The following CCDC33 variants were observed in gnomAD, a reference collection of about 807,000 sequenced individuals.
CCDC33 encodes the protein coiled-coil domain containing 33.
CCDC33 carries 94 observed loss-of-function variants against 91.9 expected under a neutral mutation model. The observed-to-expected ratio is 1.02, with a 90% CI of 0.87 to 1.21. The LOEUF is 1.21. Among genes scored for constraint, CCDC33 ranks in the 50% most tolerant of loss-of-function variants. The pLI is 0.00. For missense variants in CCDC33, 940 were observed against 935.5 expected (o/e 1.00, Z -0.06); for synonymous variants, 396 against 374.5 (o/e 1.06, Z -0.66).
chr15:74,332,552 G>A, intron 15 of CCDC33, 127 bp from the exon 16 acceptor site: 1 of 929,414 alleles, frequency 1.1e-6, no homozygotes, highest in Non-Finnish European at 1.7e-6. Context: ...TGGTGGTAGG[G>A]AGCCATTGAA....
In CCDC33 at chr15:74,279,959, C is replaced by T. The variant is rs777594904; in HGVS notation, c.760-4C>T. On this transcript the variant is annotated splice_region_variant and splice_polypyrimidine_tract_variant and intron_variant, in intron 7 of 18. Transcript: ENST00000398814. ...CACCACCTGCTCCTACCCTCTCCCT[C>T]CAGCTGTCCAAGCCTGGGGGACCCC... The T allele has an allele frequency of 1.7e-5, 27 of 1,613,644 alleles. No individual in the cohort carries two copies. In the African/African-American group the frequency reaches 3.5e-4, roughly 21 times the overall value.
intron 1 of CCDC33, among the ~76,000 whole-genome samples, chr15:74,242,965 C>T (rs929984529): frequency 2.6e-5 from 4 of 152,180 alleles, no homozygotes; most frequent in Non-Finnish European, 4.4e-5. Context: ...CTTCTCCCAA[C>T]CCTTTAAGGC....
intron 7 of CCDC33, among the ~76,000 whole-genome samples, chr15:74,275,034 G>A (rs1481198766): frequency 6.6e-6 from 1 of 152,244 alleles, no homozygotes; most frequent in Non-Finnish European, 1.5e-5. Context: ...AGTCAGCAGC[G>A]TGAGCTCAGT....
downstream of CCDC33, chr15:74,336,152 C>T (rs1391455687): frequency 6.6e-7 from 1 of 1,525,736 alleles, no homozygotes; most frequent in African/African-American, 1.4e-5. Context: ...GCATTTTCCT[C>T]TTTCCTGGAG....
At chr15:74,257,112 G>A (rs574771651) in intron 2 of CCDC33, among the ~76,000 whole-genome samples, 1 of 152,360 alleles carries the variant, frequency 6.6e-6, no homozygotes, top group Non-Finnish European at 1.5e-5. Context: ...TCCAGAGTCA[G>A]TTATTCTGTA....
chr15:74,226,686 G>A (rs1026396818), intron 2 of CCDC33, among the ~76,000 whole-genome samples: 97 of 152,196 alleles, frequency 6.4e-4, no homozygotes, highest in African/African-American at 2.0e-3. Flanking sequence ...AAATTAGCCC[G>A]TCGTGGTGGC....
intron 5 of CCDC33, among the ~76,000 whole-genome samples, chr15:74,271,189 A>G (rs1379353768): frequency 6.6e-6 from 1 of 152,104 alleles, no homozygotes; most frequent in East Asian, 1.9e-4. Context: ...GAAGTTCAGC[A>G]TGGTCGGAGA....
chr15:74,272,891 G>A lies in CCDC33; in HGVS notation c.759G>A (p.Gln253=), dbSNP rs2076358290. 6.2e-7 allele frequency: 1 copy of A among 1,614,054 alleles called. No homozygotes were observed. The highest frequency in any genetic ancestry group is 1.7e-5 in the Admixed American group (1 of 60,008). ...GCGTCAGCCAGAACGGATGCCCTCA[G>A]GTATGTCTCCTCCCCAGTGGTTCCA... is the stretch of plus-strand genomic sequence containing the variant. The part of the protein sequence containing the change: ...VPRVSQNGCP[Q]LSKPGGPPEQ... The change falls in exon 7 of 19, where the codon CAG becomes CAA. Residue 253 remains glutamine (Q), a splice_region_variant and synonymous_variant. Coordinates refer to ENST00000398814, the MANE Select transcript of CCDC33 (RefSeq NM_025055.5).
intron 2 of CCDC33, among the ~76,000 whole-genome samples, chr15:74,211,370 T>C (rs34573746): frequency 0.13 from 19,995 of 149,300 alleles, 1,875 homozygotes; most frequent in Non-Finnish European, 0.21. Flanking sequence ...CTGCTGGGTC[T>C]CTCTGTCAAT....
intron 11 of CCDC33, among the ~76,000 whole-genome samples, chr15:74,323,226 A>G (rs1430656267): frequency 6.6e-6 from 1 of 152,078 alleles, no homozygotes; most frequent in Admixed American, 6.5e-5. Flanking sequence ...AGGCCACACC[A>G]AGAGGCTCCC....
rs1048706806 is a variant in CCDC33 at position 74,316,399 on chromosome 15, G to A, written c.1291-13790G>A. On this transcript the variant is annotated intron_variant, in intron 11 of 18. Coordinates refer to ENST00000398814, the MANE Select transcript of CCDC33 (RefSeq NM_025055.5). This position sits in a 1 kb window ranked among gnomAD's most constrained non-coding sequence, Gnocchi z 4.7. Reference sequence around the variant, plus strand: ...TTATTGATGGGGCTTCTAATTGTGCGTTTCCCAAAGTCTACAGGCTTTTGA... The same window carrying A: ...TTATTGATGGGGCTTCTAATTGTGCATTTCCCAAAGTCTACAGGCTTTTGA... Among the ~76,000 whole-genome samples the A allele has an allele frequency of 7.2e-5, 11 of 152,332 alleles. 1 individual carries two copies. The highest frequency in any genetic ancestry group is 3.4e-3 in the Middle Eastern group (1 of 294).
intron 1 of CCDC33, chr15:74,207,981 G>T: frequency 7.0e-7 from 1 of 1,421,236 alleles, no homozygotes; most frequent in Non-Finnish European, 9.2e-7. Context: ...CCATGTGGGA[G>T]GGTCAGAAGC....
intron 10 of CCDC33, among the ~76,000 whole-genome samples, chr15:74,289,695 G>A (rs1431970833): frequency 6.6e-6 from 1 of 152,188 alleles, no homozygotes; most frequent in African/African-American, 2.4e-5. Flanking sequence ...GCTGGGGCAG[G>A]AGGATTGCTT....
chr15:74,307,141 G>T (rs1009764658), intron 11 of CCDC33, among the ~76,000 whole-genome samples: 3 of 152,196 alleles, frequency 2.0e-5, no homozygotes, highest in African/African-American at 7.2e-5. Context: ...AAGCCAAGAT[G>T]ATGAGGCCAT....
At chr15:74,335,781 C>CA in intron 18 of CCDC33, 144 bp from the exon 19 acceptor site, 1 of 687,012 alleles carries the variant, frequency 1.5e-6, no homozygotes, top group Non-Finnish European at 2.5e-6. Context: ...CCTGCTGTGG[C>CA]AAAATGGGTT....
chr15:74,268,499 G>GGGGGGGC, intron 5 of CCDC33, 41 bp downstream of exon 5: 1 of 1,236,366 alleles, frequency 8.1e-7, no homozygotes, highest in Non-Finnish European at 1.2e-6. Context: ...GTGGGGGTGG[G>GGGGGGGC]AAAGGGCCAA....
At chr15:74,332,518 C>T (rs1234741891) in intron 15 of CCDC33, among the ~76,000 whole-genome samples, 161 bp from the exon 16 acceptor site, 1 of 152,216 alleles carries the variant, frequency 6.6e-6, no homozygotes, top group East Asian at 1.9e-4. Context: ...CCTAGAAGGA[C>T]AGCCTGTGTG....
At chr15:74,326,144 G>A (rs190902463) in intron 11 of CCDC33, among the ~76,000 whole-genome samples, 32 of 152,264 alleles carry the variant, frequency 2.1e-4, no homozygotes, top group Middle Eastern at 3.4e-3. Flanking sequence ...GGGCAACATA[G>A]CAAGGCCCCA....
At chr15:74,247,575 T>A (rs2075578388) in intron 2 of CCDC33, among the ~76,000 whole-genome samples, 1 of 151,992 alleles carries the variant, frequency 6.6e-6, no homozygotes, top group South Asian at 2.1e-4. Flanking sequence ...TTATGCTAGA[T>A]GAAATAAGCT....
Sources: allele counts gnomAD v4.1 joint callset (sites outside exome capture counted in the v4.1 genomes callset), GRCh38; gene constraint gnomAD v4.1.1; non-coding constraint Gnocchi (gnomAD v3.1); transcripts MANE v1.5; gene names NCBI Gene and HGNC (gene_info 2026-07-23, HGNC 2026-07-21).